Variants in PCNT observed in about 807,000 individuals in gnomAD.
PCNT encodes the protein pericentrin.
Under a neutral mutation model 380.4 loss-of-function variants are expected in PCNT, and 319 were observed. The ratio of observed to expected loss-of-function variants is 0.84; its 90% CI spans 0.77 to 0.92. The LOEUF (loss-of-function observed/expected upper bound fraction) is 0.92, where lower values mean the gene tolerates loss of function less well. PCNT is among the 40% of genes least tolerant of loss of function. PCNT has a pLI of 0.00. For synonymous variants in PCNT, 1,845 were observed against 1,735.2 expected, an observed-to-expected ratio of 1.06 and a Z score of -1.57; for missense variants, 4,400 against 4,255.3, an observed-to-expected ratio of 1.03 and a Z score of -0.95.
intron 17 of PCNT, among the ~76,000 whole-genome samples, chr21:46,387,769 CAG>C: frequency 6.6e-6 from 1 of 152,240 alleles, no homozygotes; most frequent in South Asian, 2.1e-4. Context: ...TCTCTGGGGA[CAG>C]AGCTGTGAGC....
chr21:46,398,282 C>G, intron 24 of PCNT, 27 bp downstream of exon 24: 1 of 1,590,758 alleles, frequency 6.3e-7, no homozygotes. Context: ...GAGATGGGCA[C>G]TCCCTGCGCT....
Position 46,416,442 on chromosome 21 carries a change from C to T in PCNT, c.6524C>T (p.Pro2175Leu), listed in dbSNP as rs142252996. The change falls in exon 30 of 47, where the codon CCA (proline) becomes CTA (leucine). Residue 2175 changes from proline to leucine, a missense_variant. By Grantham distance (98) the Pro-to-Leu change is moderately conservative (BLOSUM62 -3). Coordinates refer to ENST00000359568, the MANE Select transcript of PCNT (RefSeq NM_006031.6). Reference protein sequence around the residue: ...NWDSLIPDEMPDSPIQEKSEC... With the variant: ...NWDSLIPDEMLDSPIQEKSEC... ...GATTCCTTGATACCAGATGAAATGC[C>T]AGATTCTCCCATTCAAGAAAAATCA... 45 of 1,614,082 alleles carry T rather than the reference C, an allele frequency of 2.8e-5. No individual in the cohort carries two copies. Among genetic ancestry groups the T allele is most frequent in the Non-Finnish European group, 3.6e-5 (43 of 1,180,042 alleles).
intron 2 of PCNT, among the ~76,000 whole-genome samples, chr21:46,334,085 G>A (rs1182717536): frequency 6.6e-6 from 1 of 151,682 alleles, no homozygotes; most frequent in Non-Finnish European, 1.5e-5. Flanking sequence ...GGCACCCATA[G>A]TCCCAGCTAC....
At chr21:46,445,058 T>C (rs2053718753) in intron 46 of PCNT, among the ~76,000 whole-genome samples, 1 of 152,082 alleles carries the variant, frequency 6.6e-6, no homozygotes, top group African/African-American at 2.4e-5. Flanking sequence ...GTCTGGACTT[T>C]TTTGTCCTTT....
chr21:46,339,975 C>G (rs2083866397), intron 3 of PCNT, among the ~76,000 whole-genome samples: 2 of 152,114 alleles, frequency 1.3e-5, no homozygotes, highest in African/African-American at 4.8e-5. Flanking sequence ...TTTTAGAGTT[C>G]TCTTGCATAC....
intron 14 of PCNT, among the ~76,000 whole-genome samples, chr21:46,365,288 T>G (rs936978342): frequency 7.6e-6 from 1 of 131,430 alleles, no homozygotes; most frequent in African/African-American, 2.8e-5. Flanking sequence ...TAGGGTTCTA[T>G]TCACTGCCAT....
intron 33 of PCNT, among the ~76,000 whole-genome samples, chr21:46,426,699 T>G (rs1040127465): frequency 9.8e-5 from 15 of 152,316 alleles, no homozygotes; most frequent in African/African-American, 3.6e-4. Context: ...ACCTCTGTGC[T>G]GTCGACCCCG....
At position 46,416,333 on chromosome 21, in the gene PCNT, A is replaced by G; in HGVS notation, c.6415A>G (p.Thr2139Ala). The change falls in exon 30 of 47, where the codon ACT (threonine) becomes GCT (alanine). Residue 2139 changes from threonine (T) to alanine (A), a missense_variant. Transcript: ENST00000359568. ...CDANTATGGVTDVIKNQAIDA... is the reference protein window; with the variant it reads ...CDANTATGGVADVIKNQAIDA... Reference sequence around the variant, plus strand: ...TGCCAATACAGCCACGGGGGGTGTAACTGATGTTATCAAAAATCAGGCCAT... The same window carrying G: ...TGCCAATACAGCCACGGGGGGTGTAGCTGATGTTATCAAAAATCAGGCCAT... 1 of 1,613,798 alleles carries G rather than the reference A, an allele frequency of 6.2e-7. No homozygotes were observed. Among genetic ancestry groups the G allele is most frequent in the Non-Finnish European group, 8.5e-7 (1 of 1,179,798 alleles).
chr21:46,349,054 G>C lies in PCNT; in HGVS notation c.1075G>C (p.Glu359Gln). Residue 359 changes from glutamate (E) to glutamine (Q), a missense_variant, in exon 7 of 47, where the codon GAA (glutamate) becomes CAA (glutamine). By Grantham distance (29) the Glu-to-Gln change is conservative (BLOSUM62 2). Coordinates refer to ENST00000359568, the MANE Select transcript of PCNT (RefSeq NM_006031.6). ...DWESEKDLCL[E>Q]NLRKELSAKH... Reference sequence around the variant, plus strand: ...GGAATCTGAAAAAGATTTATGTTTAGAAAATCTACGCAAAGAACTGTCTGC... The same window carrying C: ...GGAATCTGAAAAAGATTTATGTTTACAAAATCTACGCAAAGAACTGTCTGC... 6.2e-7 allele frequency: 1 copy of C among 1,607,004 alleles called. No homozygotes were observed. Among genetic ancestry groups the C allele is most frequent in the Non-Finnish European group, 8.5e-7 (1 of 1,173,704 alleles).
intron 27 of PCNT, among the ~76,000 whole-genome samples, chr21:46,405,495 C>T (rs987793429): frequency 1.3e-5 from 2 of 152,170 alleles, no homozygotes; most frequent in African/African-American, 2.4e-5. Context: ...CTCAGGAGTT[C>T]GAGACCAGCC....
chr21:46,331,045 T>A (rs1200182136), intron 2 of PCNT, among the ~76,000 whole-genome samples: 1 of 151,958 alleles, frequency 6.6e-6, no homozygotes, highest in Non-Finnish European at 1.5e-5. Flanking sequence ...TGTGTGAGAG[T>A]GTGTGTATGT....
chr21:46,445,208 A>C lies in PCNT; in HGVS notation c.9968-76A>C, dbSNP rs574603059. ...TACATGAATTCAGTGATAGTGTTTC[A>C]AAATTGTGGAATTCTTTTCAAAAAA... On this transcript the variant is annotated intron_variant, in intron 46 of 46. Transcript: ENST00000359568. 33 of 1,007,402 alleles carry C rather than the reference A, an allele frequency of 3.3e-5. No homozygotes were observed. In the African/African-American group the frequency reaches 4.9e-4, roughly 15 times the overall value. 62.4% of individuals were successfully genotyped at this position (1,007,402 alleles called of 1,614,324 possible).
At position 46,355,764 on chromosome 21, in the gene PCNT, A is replaced by T. The variant is rs183126448; in HGVS notation, c.1936+138A>T. On this transcript the variant is annotated intron_variant, in intron 12 of 46. Transcript: ENST00000359568. Reference sequence around the variant, plus strand: ...TCCGACCTCTTCTTCTGGGGCTGACACCTCAACAGAGTGTGTCCTGATGAG... The same window carrying T: ...TCCGACCTCTTCTTCTGGGGCTGACTCCTCAACAGAGTGTGTCCTGATGAG... The T allele has an allele frequency of 6.7e-5, 57 of 848,500 alleles. No homozygotes were observed. In the African/African-American group the frequency reaches 7.7e-4, roughly 11 times the overall value. The allele number at this position is 848,500 out of a possible 1,614,324, so 52.6% of individuals were successfully genotyped here.
intron 31 of PCNT, among the ~76,000 whole-genome samples, chr21:46,421,730 T>A (rs974215341): frequency 3.3e-5 from 5 of 152,236 alleles, no homozygotes; most frequent in Non-Finnish European, 7.3e-5. Flanking sequence ...AATCAGGGAC[T>A]CAGGTGATGT....
At chr21:46,380,998 C>A (rs534252899) in intron 15 of PCNT, among the ~76,000 whole-genome samples, 2 of 151,904 alleles carry the variant, frequency 1.3e-5, no homozygotes, top group Non-Finnish European at 2.9e-5. Flanking sequence ...GGTAGAAACC[C>A]TATCTCTACT....
At chr21:46,424,841 C>T (rs1050739930) in intron 32 of PCNT, among the ~76,000 whole-genome samples, 7 of 151,954 alleles carry the variant, frequency 4.6e-5, no homozygotes, top group Non-Finnish European at 4.4e-5. Flanking sequence ...CATCCTGTGC[C>T]ACATACGTTA....
intron 12 of PCNT, 106 bp downstream of exon 12, chr21:46,355,732 T>A (rs559634221): frequency 8.9e-7 from 1 of 1,119,980 alleles, no homozygotes; most frequent in Non-Finnish European, 1.3e-6. Context: ...GTGAAGCAGC[T>A]GAGTGCTCCG....
chr21:46,356,617 CAT>C (rs935785645), intron 12 of PCNT, among the ~76,000 whole-genome samples: 111 of 152,368 alleles, frequency 7.3e-4, no homozygotes, highest in African/African-American at 2.1e-3. Context: ...CTGGGTGACA[CAT>C]GTGTGCCCAC....
At position 46,423,666 on chromosome 21, in the gene PCNT, G is replaced by A. The variant is rs922002677; in HGVS notation, c.7179+1542G>A. Among the ~76,000 whole-genome samples the A allele has an allele frequency of 2.8e-5, 3 of 107,240 alleles. No homozygotes were observed. The East Asian group carries it at 7.9e-4, about 28-fold the overall frequency. The allele number at this position is 107,240 out of a possible 152,430, so 70.4% of individuals were successfully genotyped here. ...GCACAAAAGGCAGGAAAGGCCTCCTGTAGCCCTTGAGGCAGCAGCTGCGAA... is the reference window on the plus strand; with the variant it reads ...GCACAAAAGGCAGGAAAGGCCTCCTATAGCCCTTGAGGCAGCAGCTGCGAA... On this transcript the variant is annotated intron_variant, in intron 32 of 46. Transcript: ENST00000359568.
Sources: gnomAD v4.1 joint callset for allele counts (sites outside exome capture counted in the v4.1 genomes callset) on GRCh38, gnomAD v4.1.1 for gene constraint, MANE v1.5 for transcripts, NCBI Gene and HGNC (gene_info 2026-07-23, HGNC 2026-07-21) for gene names.